Variants in KCNH5 observed in about 807,000 individuals in gnomAD.
KCNH5 encodes potassium voltage-gated channel subfamily H member 5, also known as voltage-gated delayed rectifier potassium channel KCNH5.
Under a neutral mutation model 96.1 loss-of-function variants are expected in KCNH5, and 46 were observed. The observed-to-expected ratio is 0.48, with a 90% CI of 0.38 to 0.61. The LOEUF (loss-of-function observed/expected upper bound fraction) is 0.61, where lower values mean the gene tolerates loss of function less well. Ranked by LOEUF, KCNH5 falls within the 20% of genes least tolerant of loss-of-function variation. The probability of loss-of-function intolerance (pLI) is 0.00; values close to 1 mark genes in which losing one functional copy is unlikely to be tolerated. For missense variants in KCNH5, 907 were observed against 1,225.8 expected, an observed-to-expected ratio of 0.74 and a Z score of 3.88; for synonymous variants, 439 against 449.8, an observed-to-expected ratio of 0.98 and a Z score of 0.30.
At chr14:62,983,270 A>G (rs1270298663) in intron 5 of KCNH5, among the ~76,000 whole-genome samples, 1 of 151,892 alleles carries the variant, frequency 6.6e-6, no homozygotes, top group Non-Finnish European at 1.5e-5. Flanking sequence ...GCTTCTCTGG[A>G]GGCTGAGGCA....
At chr14:62,755,152 A>G (rs1885593244) in intron 10 of KCNH5, among the ~76,000 whole-genome samples, 1 of 151,990 alleles carries the variant, frequency 6.6e-6, no homozygotes, top group Non-Finnish European at 1.5e-5. Context: ...CAACAAATCA[A>G]TGAAATAAAA....
At position 63,037,688 on chromosome 14, in the gene KCNH5, G is replaced by A. The variant is rs562672406; in HGVS notation, c.73+7426C>T. ...TCCCCTCAATCCAAGTGAGTTGTTC[G>A]ATTTTTAGTTAGATATGGCAACCTG... On this transcript the variant is annotated intron_variant, in intron 1 of 10. Coordinates refer to ENST00000322893, the MANE Select transcript of KCNH5 (RefSeq NM_139318.5). Among the ~76,000 whole-genome samples, 26 of 152,268 alleles carry A rather than the reference G, an allele frequency of 1.7e-4. No individual in the cohort carries two copies. The South Asian group carries it at 2.9e-3, about 17-fold the overall frequency.
chr14:62,938,563 T>A (rs1021736828), intron 7 of KCNH5, among the ~76,000 whole-genome samples: 31 of 152,240 alleles, frequency 2.0e-4, no homozygotes, highest in African/African-American at 7.2e-4. Context: ...TATGAATTTG[T>A]GAGTCTTTCG....
chr14:62,911,282 CTTT>C (rs547182329), intron 7 of KCNH5, among the ~76,000 whole-genome samples: 1 of 134,972 alleles, frequency 7.4e-6, no homozygotes, highest in African/African-American at 2.7e-5. Flanking sequence ...TTTTTTTTTT[CTTT>C]TTTTTTTTTT....
intron 6 of KCNH5, among the ~76,000 whole-genome samples, chr14:62,953,685 AG>A (rs1890048697): frequency 6.6e-6 from 1 of 152,130 alleles, no homozygotes; most frequent in South Asian, 2.1e-4. Flanking sequence ...CACCACTCAA[AG>A]TGCCTAAATG....
intron 7 of KCNH5, among the ~76,000 whole-genome samples, chr14:62,922,577 G>T (rs1889399753): frequency 6.6e-6 from 1 of 151,810 alleles, no homozygotes; most frequent in African/African-American, 2.4e-5. Context: ...GAATTCAACA[G>T]CATATTAAAA....
intron 10 of KCNH5, among the ~76,000 whole-genome samples, chr14:62,723,015 A>G (rs371899856): frequency 2.0e-4 from 31 of 152,148 alleles, no homozygotes; most frequent in Non-Finnish European, 3.1e-4. Flanking sequence ...ATCTCATTTG[A>G]GACTATTCCA....
chr14:62,948,645 CCTAA>C (rs1239726615), intron 7 of KCNH5, among the ~76,000 whole-genome samples: 1 of 150,860 alleles, frequency 6.6e-6, no homozygotes, highest in Admixed American at 6.6e-5. Flanking sequence ...GGGAATCCTC[CCTAA>C]CTAATTTTAT....
At chr14:62,870,365 A>G (rs76707138) in intron 7 of KCNH5, among the ~76,000 whole-genome samples, 7,632 of 152,244 alleles carry the variant, frequency 0.05, 637 homozygotes, top group African/African-American at 0.17. Context: ...TACAAATGTC[A>G]TGACTTCTTC....
chr14:63,028,423 T>C (rs896274847), intron 1 of KCNH5, among the ~76,000 whole-genome samples: 1 of 152,122 alleles, frequency 6.6e-6, no homozygotes, highest in Non-Finnish European at 1.5e-5. Context: ...GTACATGTTA[T>C]CCCTAATCAG....
At chr14:62,962,067 G>C (rs1890223304) in intron 6 of KCNH5, among the ~76,000 whole-genome samples, 1 of 151,776 alleles carries the variant, frequency 6.6e-6, no homozygotes, top group Non-Finnish European at 1.5e-5. Flanking sequence ...AGAAGATAGA[G>C]ATGGAAATGG....
chr14:62,955,246 G>C (rs1400939036), intron 6 of KCNH5, among the ~76,000 whole-genome samples: 1 of 152,126 alleles, frequency 6.6e-6, no homozygotes, highest in Non-Finnish European at 1.5e-5. Context: ...CTGGAAAAAG[G>C]CTGGAGCTAC....
chr14:62,987,324 T>C lies in KCNH5; in HGVS notation c.434-137A>G, dbSNP rs1443917372. Reference sequence around the variant, plus strand: ...CAAAGTATCAAACAAAAGTATTTTCTTTCCTTCTGTATAGACATGCTCATA... The same window carrying C: ...CAAAGTATCAAACAAAAGTATTTTCCTTCCTTCTGTATAGACATGCTCATA... On this transcript the variant is annotated intron_variant, in intron 4 of 10. Coordinates refer to ENST00000322893, the MANE Select transcript of KCNH5 (RefSeq NM_139318.5). The C allele has an allele frequency of 7.7e-6, 5 of 649,690 alleles. No homozygotes were observed. In the East Asian group the frequency reaches 1.1e-4, roughly 14 times the overall value. 40.2% of individuals were successfully genotyped at this position (649,690 alleles called of 1,614,324 possible).
rs1388654176 is a variant in KCNH5 at position 62,949,911 on chromosome 14, G to A, written c.1369+222C>T. The A allele has an allele frequency of 6.7e-5, 32 of 475,666 alleles. No individual in the cohort carries two copies. The Admixed American group carries it at 1.1e-3, about 16-fold the overall frequency. 29.5% of individuals were successfully genotyped at this position (475,666 alleles called of 1,614,324 possible). A position where few individuals can be genotyped will look rare whatever the true frequency, so the allele number is the denominator to read the frequency against. ...GGTTCCTTCAAGAGAGCACTGCTGG[G>A]TACACACATTAATATGTTTTTCACA... On this transcript the variant is annotated intron_variant, in intron 7 of 10. Coordinates refer to ENST00000322893, the MANE Select transcript of KCNH5 (RefSeq NM_139318.5).
At chr14:63,013,171 CT>C (rs1446379668) in intron 2 of KCNH5, among the ~76,000 whole-genome samples, 2 of 151,876 alleles carry the variant, frequency 1.3e-5, no homozygotes, top group Non-Finnish European at 2.9e-5. Flanking sequence ...ATATTAGCCT[CT>C]TGATATTATA....
chr14:62,944,221 T>C (rs1889843388), intron 7 of KCNH5, among the ~76,000 whole-genome samples: 2 of 152,176 alleles, frequency 1.3e-5, no homozygotes, highest in Admixed American at 1.3e-4. Flanking sequence ...ACATTCATAC[T>C]TCTAAATTTT....
intron 9 of KCNH5, among the ~76,000 whole-genome samples, chr14:62,796,542 G>A (rs1435593241): frequency 3.3e-5 from 5 of 152,148 alleles, no homozygotes; most frequent in African/African-American, 1.2e-4. Flanking sequence ...GATTGTCTTA[G>A]TTTAATAACT....
At chr14:62,714,938 C>T (rs954016021) in intron 10 of KCNH5, among the ~76,000 whole-genome samples, 1 of 152,178 alleles carries the variant, frequency 6.6e-6, no homozygotes, top group Non-Finnish European at 1.5e-5. Context: ...TCCAGCTACA[C>T]ATTTATTGGT....
At chr14:62,962,848 G>A (rs781244239) in intron 6 of KCNH5, among the ~76,000 whole-genome samples, 2 of 152,178 alleles carry the variant, frequency 1.3e-5, no homozygotes, top group Non-Finnish European at 2.9e-5. Flanking sequence ...CAACTACAGT[G>A]TTCTTCCCAA....
Sources: allele counts gnomAD v4.1 joint callset (sites outside exome capture counted in the v4.1 genomes callset), GRCh38; gene constraint gnomAD v4.1.1; transcripts MANE v1.5; gene names NCBI Gene and HGNC (gene_info 2026-07-23, HGNC 2026-07-21).